The following MGAT4C variants were observed in gnomAD, a reference collection of about 807,000 sequenced individuals.
MGAT4C encodes the protein alpha-1,3-mannosyl-glycoprotein 4-beta-N-acetylglucosaminyltransferase C.
In MGAT4C, 19 loss-of-function variants were observed where a neutral mutation model predicts 40.1. The observed-to-expected ratio is 0.47, with a 90% CI of 0.33 to 0.70. The LOEUF (loss-of-function observed/expected upper bound fraction) is 0.70, where lower values mean the gene tolerates loss of function less well. Ranked by LOEUF, MGAT4C falls within the 30% of genes least tolerant of loss-of-function variation. The pLI, the probability that MGAT4C is intolerant of heterozygous loss-of-function variation, is 0.02. For missense variants in MGAT4C, 491 were observed against 563.2 expected (o/e 0.87, Z 1.30); for synonymous variants, 181 against 187.1 (o/e 0.97, Z 0.27).
chr12:86,698,716 C>A (rs907009446), intron 2 of MGAT4C, among the ~76,000 whole-genome samples: 14 of 151,884 alleles, frequency 9.2e-5, no homozygotes, highest in Admixed American at 8.5e-4. Flanking sequence ...TGTATGAGTG[C>A]CGCATAAGTT....
At chr12:86,237,743 G>A (rs1459614736) in intron 1 of MGAT4C, among the ~76,000 whole-genome samples, 1 of 151,794 alleles carries the variant, frequency 6.6e-6, no homozygotes, top group Non-Finnish European at 1.5e-5. Flanking sequence ...TCACAGATAC[G>A]ACATTAGGGA....
intron 2 of MGAT4C, among the ~76,000 whole-genome samples, chr12:86,616,714 T>C (rs1424027201): frequency 6.6e-6 from 1 of 152,102 alleles, no homozygotes; most frequent in African/African-American, 2.4e-5. Context: ...TTTTTTTTTT[T>C]TTCTTCTCCA....
intron 2 of MGAT4C, among the ~76,000 whole-genome samples, chr12:86,510,540 A>C (rs539509016): frequency 1.6e-4 from 25 of 152,146 alleles, no homozygotes; most frequent in Non-Finnish European, 3.4e-4. Flanking sequence ...AAAGACACAG[A>C]CTGGCAAATT....
At chr12:86,162,682 C>T (rs1885733796) in intron 1 of MGAT4C, among the ~76,000 whole-genome samples, 1 of 152,000 alleles carries the variant, frequency 6.6e-6, no homozygotes, top group African/African-American at 2.4e-5. Flanking sequence ...ATTATAAAGC[C>T]TTTAATATGT....
intron 2 of MGAT4C, among the ~76,000 whole-genome samples, chr12:86,637,836 A>G (rs148905352): frequency 8.5e-5 from 13 of 152,094 alleles, no homozygotes; most frequent in South Asian, 2.1e-4. Context: ...TTAGTCTGAT[A>G]GGACTGTACA....
intron 4 of MGAT4C, among the ~76,000 whole-genome samples, chr12:86,264,851 A>T (rs2136100345): frequency 6.6e-6 from 1 of 152,278 alleles, no homozygotes; most frequent in East Asian, 1.9e-4. Flanking sequence ...TCACAAACCC[A>T]GTCGGCTGTG....
intron 4 of MGAT4C, among the ~76,000 whole-genome samples, chr12:86,310,023 G>T (rs1954030364): frequency 6.6e-6 from 1 of 151,890 alleles, no homozygotes; most frequent in Non-Finnish European, 1.5e-5. Context: ...AGTACTAGAA[G>T]ACCCTATTAA....
At chr12:86,665,677 G>A (rs1314219196) in intron 2 of MGAT4C, among the ~76,000 whole-genome samples, 1 of 152,098 alleles carries the variant, frequency 6.6e-6, no homozygotes, top group Non-Finnish European at 1.5e-5. Flanking sequence ...AGCCGGAAAA[G>A]TTATACAACT....
At position 86,817,328 on chromosome 12, in the gene MGAT4C, TG is replaced by T. The variant is rs1378677706; in HGVS notation, c.-262+21337del. Among the ~76,000 whole-genome samples, 27 of 151,476 alleles carry T rather than the reference TG, an allele frequency of 1.8e-4. No individual in the cohort carries two copies. The Admixed American group carries it at 1.8e-3, about 10-fold the overall frequency. On this transcript the variant is annotated intron_variant, in intron 1 of 7. Coordinates refer to the MGAT4C transcript ENST00000548651. Reference sequence around the variant, plus strand: ...ATCCAAAAATTATTAAAAATTGTTTTGTTTCTTTTTGTATTGTTTTTACATT... The same window carrying T: ...ATCCAAAAATTATTAAAAATTGTTTTTTTCTTTTTGTATTGTTTTTACATT...
intron 3 of MGAT4C, among the ~76,000 whole-genome samples, chr12:86,399,470 A>T (rs1302910502): frequency 1.3e-5 from 2 of 150,574 alleles, no homozygotes; most frequent in Admixed American, 1.3e-4. Flanking sequence ...TTTAGTAGAA[A>T]CGGGGTTTCA....
At chr12:86,472,494 T>A (rs148963708) in intron 2 of MGAT4C, among the ~76,000 whole-genome samples, 474 of 152,284 alleles carry the variant, frequency 3.1e-3, no homozygotes, top group African/African-American at 0.011. Context: ...ATTAAAAGTC[T>A]ATATTCATTA....
At chr12:86,017,914 G>A (rs1283497282) in intron 2 of MGAT4C, among the ~76,000 whole-genome samples, 4 of 152,144 alleles carry the variant, frequency 2.6e-5, no homozygotes, top group African/African-American at 9.7e-5. Flanking sequence ...TGGGAAGATA[G>A]TGTGTGGGAA....
At chr12:86,120,799 C>T (rs1027970908) in intron 1 of MGAT4C, among the ~76,000 whole-genome samples, 1 of 152,174 alleles carries the variant, frequency 6.6e-6, no homozygotes, top group Non-Finnish European at 1.5e-5. Context: ...GAAACCAAAG[C>T]AGAAAAGCTG....
chr12:86,764,110 C>T (rs1385946964), intron 1 of MGAT4C, among the ~76,000 whole-genome samples: 1 of 152,128 alleles, frequency 6.6e-6, no homozygotes, highest in African/African-American at 2.4e-5. Context: ...CTTTCCTAGT[C>T]AAAGAAAGGG....
intron 1 of MGAT4C, among the ~76,000 whole-genome samples, chr12:86,156,871 G>A (rs1402160574): frequency 2.0e-5 from 3 of 152,070 alleles, no homozygotes; most frequent in South Asian, 2.1e-4. Context: ...TTCCACAAGA[G>A]CAAGATAATT....
In MGAT4C at chr12:85,966,336, T is replaced by C. The variant is rs1274712216; in HGVS notation, c.*12953A>G. 6.6e-6 allele frequency: 1 copy of C among 152,126 alleles called. No individual in the cohort carries two copies. The highest frequency in any genetic ancestry group is 1.9e-4 in the East Asian group (1 of 5,198). The allele number at this position is 152,126 out of a possible 1,614,324, so 9.4% of individuals were successfully genotyped here. A position where few individuals can be genotyped will look rare whatever the true frequency, so the allele number is the denominator to read the frequency against. ...TGGCATATAACACTGTCACTCTATT[T>C]AATTATTACCCATCATCTACCTACT... On this transcript the variant is annotated 3_prime_UTR_variant, in exon 5 of 5. Transcript: ENST00000611864.
chr12:86,311,950 C>T (rs1954088043), intron 4 of MGAT4C, among the ~76,000 whole-genome samples: 1 of 152,104 alleles, frequency 6.6e-6, no homozygotes, highest in Non-Finnish European at 1.5e-5. Flanking sequence ...AGTCATGGGG[C>T]TTTGCCCAAG....
At chr12:86,497,549 C>G (rs905347789) in intron 2 of MGAT4C, among the ~76,000 whole-genome samples, 1 of 151,736 alleles carries the variant, frequency 6.6e-6, no homozygotes, top group Admixed American at 6.6e-5. Context: ...ATATTGAATG[C>G]CTTCATTTCT....
At chr12:86,648,468 T>C (rs951793922) in intron 2 of MGAT4C, among the ~76,000 whole-genome samples, 1 of 151,864 alleles carries the variant, frequency 6.6e-6, no homozygotes, top group Admixed American at 6.6e-5. Context: ...GGGGCTTTCA[T>C]GGTGAAATTA....
Sources: gnomAD v4.1 joint callset for allele counts (sites outside exome capture counted in the v4.1 genomes callset) on GRCh38, gnomAD v4.1.1 for gene constraint, MANE v1.5 for transcripts, NCBI Gene and HGNC (gene_info 2026-07-23, HGNC 2026-07-21) for gene names.